Variants in TAFA2 observed in about 807,000 individuals in gnomAD.
TAFA2 encodes chemokine-like protein TAFA-2.
A neutral mutation model predicts 18.8 loss-of-function variants in TAFA2; 7 were observed. The ratio of observed to expected loss-of-function variants is 0.37; its 90% CI spans 0.21 to 0.70. The LOEUF (loss-of-function observed/expected upper bound fraction) is 0.70, where lower values mean the gene tolerates loss of function less well. Among genes scored for constraint, TAFA2 ranks in the 30% least tolerant of loss-of-function variants. The pLI, the probability that TAFA2 is intolerant of heterozygous loss-of-function variation, is 0.53. For missense variants in TAFA2, 122 were observed against 158.1 expected (o/e 0.77, Z 1.23); for synonymous variants, 60 against 54.2 (o/e 1.11, Z -0.47).
chr12:61,777,767 T>C (rs899009689), intron 2 of TAFA2, among the ~76,000 whole-genome samples: 2 of 151,856 alleles, frequency 1.3e-5, no homozygotes, highest in Non-Finnish European at 2.9e-5. Flanking sequence ...GTTGTAAGAA[T>C]TTAATTAATA....
At chr12:61,944,944 A>ATG (rs1878203373) in intron 1 of TAFA2, among the ~76,000 whole-genome samples, 1 of 146,532 alleles carries the variant, frequency 6.8e-6, no homozygotes, top group Non-Finnish European at 1.5e-5. Context: ...AATCCTCCCT[A>ATG]ACTCATTTTA....
At chr12:62,188,375 T>C (rs2062599811) in intron 1 of TAFA2, among the ~76,000 whole-genome samples, 1 of 152,210 alleles carries the variant, frequency 6.6e-6, no homozygotes, top group African/African-American at 2.4e-5. Context: ...GCAGGGGCAC[T>C]GAACTGTTTG....
At chr12:61,929,034 G>C (rs1297440633) in intron 1 of TAFA2, among the ~76,000 whole-genome samples, 1 of 152,050 alleles carries the variant, frequency 6.6e-6, no homozygotes, top group Non-Finnish European at 1.5e-5. Flanking sequence ...GGAAGGAATA[G>C]CATTAGGAGA....
intron 1 of TAFA2, among the ~76,000 whole-genome samples, chr12:62,199,915 C>G (rs1183553508): frequency 6.6e-6 from 1 of 152,156 alleles, no homozygotes; most frequent in African/African-American, 2.4e-5. Context: ...TCAACAGCAT[C>G]TGTTGTTTCT....
At chr12:62,181,993 C>T (rs2062554874) in intron 1 of TAFA2, among the ~76,000 whole-genome samples, 2 of 148,518 alleles carry the variant, frequency 1.3e-5, no homozygotes, top group African/African-American at 2.5e-5. Flanking sequence ...AAGTCCATCC[C>T]CCCCCCGCTA....
chr12:61,900,866 C>G (rs1876067844), intron 1 of TAFA2, among the ~76,000 whole-genome samples: 1 of 152,104 alleles, frequency 6.6e-6, no homozygotes, highest in Non-Finnish European at 1.5e-5. Context: ...TTGTTTTTAA[C>G]CTATGACTTT....
chr12:62,071,363 A>G (rs1336944634), intron 1 of TAFA2, among the ~76,000 whole-genome samples: 3 of 152,128 alleles, frequency 2.0e-5, no homozygotes, highest in Non-Finnish European at 4.4e-5. Context: ...AGACAGGTGA[A>G]TGATCATGTA....
intron 1 of TAFA2, among the ~76,000 whole-genome samples, chr12:62,009,995 G>A (rs1306117537): frequency 6.6e-6 from 1 of 151,892 alleles, no homozygotes. Flanking sequence ...AAGGAGACTG[G>A]TCAATTGAGG....
At chr12:61,850,613 T>C (rs917698387) in intron 2 of TAFA2, among the ~76,000 whole-genome samples, 3 of 152,100 alleles carry the variant, frequency 2.0e-5, no homozygotes, top group South Asian at 4.1e-4. Flanking sequence ...TTTTATTTTC[T>C]GAAATAGGAA....
chr12:62,238,852 A>G (rs1003751665), intron 1 of TAFA2, among the ~76,000 whole-genome samples: 1 of 152,174 alleles, frequency 6.6e-6, no homozygotes, highest in Non-Finnish European at 1.5e-5. Flanking sequence ...CTGTATATTT[A>G]TATATATCCT....
At chr12:62,080,261 G>T (rs973652255) in intron 1 of TAFA2, among the ~76,000 whole-genome samples, 1 of 152,142 alleles carries the variant, frequency 6.6e-6, no homozygotes, top group Non-Finnish European at 1.5e-5. Context: ...CCTTTCTCCA[G>T]GAAATGCCCA....
At chr12:61,949,799 C>G (rs1452799134) in intron 1 of TAFA2, among the ~76,000 whole-genome samples, 1 of 152,054 alleles carries the variant, frequency 6.6e-6, no homozygotes, top group East Asian at 1.9e-4. Flanking sequence ...AATTTACTAT[C>G]TTAGTCATTT....
chr12:62,163,008 G>GA (rs963083539), intron 1 of TAFA2, among the ~76,000 whole-genome samples: 2 of 151,856 alleles, frequency 1.3e-5, no homozygotes, highest in African/African-American at 4.8e-5. Flanking sequence ...CACAAAGGAG[G>GA]AAAAATAAAG....
chr12:62,237,246 G>A (rs558345704), intron 1 of TAFA2, among the ~76,000 whole-genome samples: 6 of 152,276 alleles, frequency 3.9e-5, no homozygotes, highest in Admixed American at 6.5e-5. Context: ...GGTGGCTCAC[G>A]CCTGTAATCC....
chr12:61,787,303 T>A (rs2120913062), intron 2 of TAFA2, among the ~76,000 whole-genome samples: 1 of 151,670 alleles, frequency 6.6e-6, no homozygotes, highest in Non-Finnish European at 1.5e-5. Context: ...TTACAAGAAA[T>A]GCTTAAGGGA....
intron 1 of TAFA2, among the ~76,000 whole-genome samples, chr12:62,245,336 C>T (rs577940029): frequency 6.6e-6 from 1 of 151,998 alleles, no homozygotes; most frequent in African/African-American, 2.4e-5. Context: ...TTCCCTTTGT[C>T]CATCCCTTAC....
At position 61,709,364 on chromosome 12, in the gene TAFA2, T is replaced by C. The variant is rs1869286656; in HGVS notation, c.*1042A>G. ...TGAACAATTTTTTCTATCAACAGAT[T>C]GAACAAATATATAAGCATTCAAACA... On this transcript the variant is annotated 3_prime_UTR_variant, in exon 5 of 5. Transcript: ENST00000416284. 1 of 152,106 alleles carries C rather than the reference T, an allele frequency of 6.6e-6. No homozygotes were observed. Among genetic ancestry groups the C allele is most frequent in the Admixed American group, 6.6e-5 (1 of 15,230 alleles). 9.4% of individuals were successfully genotyped at this position (152,106 alleles called of 1,614,324 possible).
intron 1 of TAFA2, among the ~76,000 whole-genome samples, chr12:62,209,800 T>C (rs552754070): frequency 6.6e-6 from 1 of 152,370 alleles, no homozygotes; most frequent in African/African-American, 2.4e-5. Context: ...CTAATACTTA[T>C]CTCTTTGTTT....
intron 1 of TAFA2, chr12:61,879,815 C>A: frequency 6.8e-7 from 1 of 1,462,850 alleles, no homozygotes; most frequent in Non-Finnish European, 9.5e-7. Context: ...GGAGGCAGAG[C>A]TTGGCAACAT....
Sources: allele counts gnomAD v4.1 joint callset (sites outside exome capture counted in the v4.1 genomes callset), GRCh38; gene constraint gnomAD v4.1.1; transcripts MANE v1.5; gene names NCBI Gene and HGNC (gene_info 2026-07-23, HGNC 2026-07-21).